ANKS1B: variants seen among roughly 807,000 people sequenced by gnomAD.
The protein encoded by ANKS1B is ankyrin repeat and sterile alpha motif domain-containing protein 1B.
ANKS1B carries 36 observed loss-of-function variants against 148.3 expected under a neutral mutation model. That is an observed-to-expected ratio of 0.24 (90% CI 0.19 to 0.32). The LOEUF (loss-of-function observed/expected upper bound fraction) is 0.32, where lower values mean the gene tolerates loss of function less well. Ranked by LOEUF, ANKS1B falls within the 10% of genes least tolerant of loss-of-function variation. The probability of loss-of-function intolerance (pLI) is 1.00; values close to 1 mark genes in which losing one functional copy is unlikely to be tolerated. For missense variants in ANKS1B, 1,157 were observed against 1,542.6 expected (o/e 0.75, Z 4.19); for synonymous variants, 542 against 560.8 (o/e 0.97, Z 0.47).
intron 12 of ANKS1B, among the ~76,000 whole-genome samples, chr12:99,328,463 C>G (rs1319759642): frequency 6.6e-6 from 1 of 151,980 alleles, no homozygotes. Flanking sequence ...GGACCAGGAA[C>G]AGTGCTTGCT....
At chr12:99,607,559 G>T (rs893905091) in intron 9 of ANKS1B, among the ~76,000 whole-genome samples, 2 of 152,008 alleles carry the variant, frequency 1.3e-5, no homozygotes, top group Non-Finnish European at 2.9e-5. Flanking sequence ...CATACAGAAA[G>T]AAGCAGATCC....
At chr12:99,087,338 G>T (rs1424784121) in intron 15 of ANKS1B, among the ~76,000 whole-genome samples, 1 of 152,064 alleles carries the variant, frequency 6.6e-6, no homozygotes, top group Admixed American at 6.5e-5. Context: ...GCATTCACTG[G>T]ACAAAAGCAT....
At chr12:99,350,783 T>C (rs1159346280) in intron 12 of ANKS1B, among the ~76,000 whole-genome samples, 1 of 152,084 alleles carries the variant, frequency 6.6e-6, no homozygotes, top group African/African-American at 2.4e-5. Context: ...TCAAATGTAG[T>C]GTAGGAAAAA....
intron 12 of ANKS1B, among the ~76,000 whole-genome samples, chr12:99,335,042 A>G (rs2152299615): frequency 6.6e-6 from 1 of 152,184 alleles, no homozygotes; most frequent in South Asian, 2.1e-4. Flanking sequence ...AGTCCTCGCG[A>G]TGGTCTTGCA....
rs1304575067 is a variant in ANKS1B at position 98,751,753 on chromosome 12, T to TAAG, written c.3580-234_3580-232dup. The stretch of plus-strand genomic sequence containing the variant: ...GAAAAATCTTGGGACCTCAAATCAC[T>TAAG]AAGACAAACGAAAAAGTCAGCTGGG... On this transcript the variant is annotated intron_variant, in intron 25 of 26. Transcript: ENST00000683438. This position sits in a 1 kb window ranked among gnomAD's most constrained non-coding sequence, Gnocchi z 4.3. Among the ~76,000 whole-genome samples, 2 of 152,158 alleles carry TAAG rather than the reference T, an allele frequency of 1.3e-5. No individual in the cohort carries two copies. Among genetic ancestry groups the TAAG allele is most frequent in the Non-Finnish European group, 2.9e-5 (2 of 68,026 alleles).
chr12:99,593,915 C>T (rs529776999), intron 9 of ANKS1B, among the ~76,000 whole-genome samples: 5 of 151,888 alleles, frequency 3.3e-5, no homozygotes, highest in African/African-American at 9.7e-5. Flanking sequence ...CCTGTATACA[C>T]ATTATCATTT....
At chr12:99,113,328 T>C (rs1427647296) in intron 15 of ANKS1B, among the ~76,000 whole-genome samples, 1 of 152,166 alleles carries the variant, frequency 6.6e-6, no homozygotes, top group Non-Finnish European at 1.5e-5. Context: ...ACTCTGCCGT[T>C]TGATATGACT....
chr12:99,855,459 C>G (rs1176195029), intron 1 of ANKS1B, among the ~76,000 whole-genome samples: 1 of 151,988 alleles, frequency 6.6e-6, no homozygotes, highest in Non-Finnish European at 1.5e-5. Context: ...AAGTCAATAA[C>G]AGTGGGAAAC....
At chr12:99,755,257 G>T (rs768916221) in intron 8 of ANKS1B, among the ~76,000 whole-genome samples, 1 of 151,904 alleles carries the variant, frequency 6.6e-6, no homozygotes, top group Non-Finnish European at 1.5e-5. Context: ...TAGAAGAAAT[G>T]AATAAATTCC....
In ANKS1B at chr12:99,314,573, T is replaced by C. The variant is rs905637829; in HGVS notation, c.1757-67709A>G. Among the ~76,000 whole-genome samples the C allele has an allele frequency of 1.4e-4, 21 of 151,692 alleles. 1 individual carries two copies. The highest frequency in any genetic ancestry group is 3.1e-4 in the African/African-American group (13 of 41,302). On this transcript the variant is annotated intron_variant, in intron 12 of 26. Coordinates refer to ENST00000683438, the MANE Select transcript of ANKS1B (RefSeq NM_001352186.2). ...TGGTACTGGTACCAAAACAGACACA[T>C]AGACCAATGGAACAGAACAGATACC...
chr12:99,155,175 C>A, intron 14 of ANKS1B: 1 of 1,386,670 alleles, frequency 7.2e-7, no homozygotes, highest in Non-Finnish European at 9.4e-7. Flanking sequence ...GAGCTCACGA[C>A]AGGTTCCCTT....
At chr12:99,313,996 C>T (rs2083602481) in intron 12 of ANKS1B, among the ~76,000 whole-genome samples, 1 of 152,170 alleles carries the variant, frequency 6.6e-6, no homozygotes, top group Non-Finnish European at 1.5e-5. Context: ...TTGCAGATGA[C>T]ATGACTATAT....
intron 14 of ANKS1B, among the ~76,000 whole-genome samples, chr12:99,236,543 A>C (rs2712652): frequency 0.47 from 72,055 of 151,958 alleles, 19,293 homozygotes; most frequent in African/African-American, 0.75. Context: ...CTGGGAACCA[A>C]CCCCATGATC....
At chr12:98,852,679 T>C (rs1292194350) in intron 17 of ANKS1B, among the ~76,000 whole-genome samples, 2 of 152,190 alleles carry the variant, frequency 1.3e-5, no homozygotes, top group South Asian at 2.1e-4. Context: ...GGGCTCAAGA[T>C]GACACATTAG....
chr12:99,709,789 T>A (rs1176373031), intron 8 of ANKS1B, among the ~76,000 whole-genome samples: 2 of 152,124 alleles, frequency 1.3e-5, no homozygotes, highest in Non-Finnish European at 2.9e-5. Context: ...TCATAATGAC[T>A]GCAAAACAGT....
intron 12 of ANKS1B, among the ~76,000 whole-genome samples, chr12:99,284,927 T>G (rs1038104580): frequency 6.6e-6 from 1 of 152,222 alleles, no homozygotes; most frequent in Non-Finnish European, 1.5e-5. Flanking sequence ...CATATCTATA[T>G]AGTGTATATA....
chr12:99,267,363 C>A (rs1400023364), intron 12 of ANKS1B, among the ~76,000 whole-genome samples: 1 of 152,162 alleles, frequency 6.6e-6, no homozygotes, highest in African/African-American at 2.4e-5. Flanking sequence ...CTCTCTCTCT[C>A]TCTCTTGCTA....
chr12:98,813,501 G>C (rs1488152312), intron 19 of ANKS1B, among the ~76,000 whole-genome samples: 1 of 151,162 alleles, frequency 6.6e-6, no homozygotes, highest in East Asian at 1.9e-4. Context: ...ACAGTTGTGA[G>C]CCACTGTGCC....
intron 17 of ANKS1B, among the ~76,000 whole-genome samples, chr12:99,004,687 T>C (rs1366982113): frequency 6.6e-6 from 1 of 152,026 alleles, no homozygotes; most frequent in African/African-American, 2.4e-5. Flanking sequence ...AAATGCCCTA[T>C]GAAAATCTCC....
Sources: allele counts gnomAD v4.1 joint callset (sites outside exome capture counted in the v4.1 genomes callset), GRCh38; gene constraint gnomAD v4.1.1; non-coding constraint Gnocchi (gnomAD v3.1); transcripts MANE v1.5; gene names NCBI Gene and HGNC (gene_info 2026-07-23, HGNC 2026-07-21).